IKZF2: variants seen among roughly 807,000 people sequenced by gnomAD.
IKZF2 encodes the protein IKAROS family zinc finger 2, also known as zinc finger protein Helios.
IKZF2 carries 15 observed loss-of-function variants against 49.2 expected under a neutral mutation model. That is an observed-to-expected ratio of 0.30 (90% confidence interval 0.20 to 0.47). The LOEUF is 0.47. IKZF2 is among the 20% of genes least tolerant of loss of function. The pLI is 1.00. For synonymous variants in IKZF2, 227 were observed against 221.4 expected (o/e 1.03, Z -0.23); for missense variants, 567 against 664.6 (o/e 0.85, Z 1.61).
intron 4 of IKZF2, among the ~76,000 whole-genome samples, chr2:213,111,641 A>T (rs952339015): frequency 6.6e-5 from 10 of 152,084 alleles, no homozygotes; most frequent in Admixed American, 6.6e-4. Context: ...AAATCTACCT[A>T]GTTTCTGAAA....
intron 4 of IKZF2, among the ~76,000 whole-genome samples, chr2:213,125,474 T>G (rs2060227288): frequency 6.6e-6 from 1 of 152,184 alleles, no homozygotes; most frequent in South Asian, 2.1e-4. Context: ...CCCATTCAGA[T>G]GAACCAAAAT....
intron 4 of IKZF2, among the ~76,000 whole-genome samples, chr2:213,092,314 C>G (rs1172765630): frequency 6.6e-6 from 1 of 152,190 alleles, no homozygotes; most frequent in Non-Finnish European, 1.5e-5. Context: ...CAGTGTGAGC[C>G]ACTGTGCCTG....
chr2:213,023,276 A>G (rs768540142), intron 6 of IKZF2, among the ~76,000 whole-genome samples: 7 of 152,224 alleles, frequency 4.6e-5, no homozygotes, highest in South Asian at 2.1e-4. Context: ...CTGAAATACT[A>G]TAACAAGGCA....
At chr2:213,036,565 A>G (rs139175284) in intron 6 of IKZF2, among the ~76,000 whole-genome samples, 215 of 152,310 alleles carry the variant, frequency 1.4e-3, no homozygotes, top group African/African-American at 5.0e-3. Context: ...AATATGGTAT[A>G]TAAGGGATGA....
chr2:213,046,366 T>A (rs914902037), intron 6 of IKZF2, among the ~76,000 whole-genome samples: 1 of 152,192 alleles, frequency 6.6e-6, no homozygotes, highest in Non-Finnish European at 1.5e-5. Flanking sequence ...TGCTTCTCAA[T>A]CTTTTTGCTT....
intron 4 of IKZF2, among the ~76,000 whole-genome samples, chr2:213,145,358 C>T (rs2061016515): frequency 1.3e-5 from 2 of 151,720 alleles, no homozygotes; most frequent in South Asian, 4.1e-4. Flanking sequence ...AAGCAGGCAC[C>T]CTCCAGGAAG....
At chr2:213,126,920 A>G (rs1000814379) in intron 4 of IKZF2, among the ~76,000 whole-genome samples, 5 of 152,122 alleles carry the variant, frequency 3.3e-5, no homozygotes, top group Non-Finnish European at 7.4e-5. Flanking sequence ...ACACCAAAAA[A>G]CCATCAATCT....
intron 1 of IKZF2, among the ~76,000 whole-genome samples, chr2:213,150,992 T>C (rs2061266010): frequency 6.6e-6 from 1 of 151,744 alleles, no homozygotes; most frequent in African/African-American, 2.4e-5. Flanking sequence ...CAATCTTTCT[T>C]CTTGGAATTC....
intron 4 of IKZF2, chr2:213,147,292 GTAATTTTATCA>G: frequency 6.1e-6 from 2 of 325,886 alleles, no homozygotes; most frequent in Non-Finnish European, 1.1e-5. Context: ...AAGTAACACT[GTAATTTTATCA>G]CTGACGGTTT....
At chr2:213,124,861 C>T (rs2060208264) in intron 4 of IKZF2, among the ~76,000 whole-genome samples, 1 of 152,224 alleles carries the variant, frequency 6.6e-6, no homozygotes, top group Non-Finnish European at 1.5e-5. Flanking sequence ...TTATTCCTTA[C>T]ATCCTGCACA....
chr2:213,022,911 C>T (rs1697379308), intron 6 of IKZF2, among the ~76,000 whole-genome samples: 1 of 152,048 alleles, frequency 6.6e-6, no homozygotes, highest in South Asian at 2.1e-4. Flanking sequence ...CTCAATACAT[C>T]TGTTAAAATA....
At chr2:213,108,321 T>C (rs1211412580) in intron 4 of IKZF2, among the ~76,000 whole-genome samples, 5 of 152,132 alleles carry the variant, frequency 3.3e-5, no homozygotes, top group African/African-American at 1.2e-4. Context: ...TTACATAATA[T>C]AAAATATTAT....
intron 4 of IKZF2, among the ~76,000 whole-genome samples, chr2:213,137,076 A>G (rs1389650753): frequency 6.6e-6 from 1 of 152,150 alleles, no homozygotes; most frequent in Non-Finnish European, 1.5e-5. Context: ...TGTAAAAAAT[A>G]ATTTATTTTA....
intron 7 of IKZF2, among the ~76,000 whole-genome samples, chr2:213,016,639 TC>T (rs1559166103): frequency 6.6e-6 from 1 of 152,156 alleles, no homozygotes; most frequent in Non-Finnish European, 1.5e-5. Context: ...TAAGGTAACT[TC>T]CCCTGTTTGA....
At chr2:213,079,601 T>C (rs112108569) in intron 4 of IKZF2, among the ~76,000 whole-genome samples, 25 of 149,884 alleles carry the variant, frequency 1.7e-4, no homozygotes, top group Non-Finnish European at 2.8e-4. Context: ...TCTCCATCTA[T>C]AAACCATCTC....
At chr2:213,093,035 A>G (rs1705533692) in intron 4 of IKZF2, among the ~76,000 whole-genome samples, 1 of 152,164 alleles carries the variant, frequency 6.6e-6, no homozygotes, top group South Asian at 2.1e-4. Context: ...CTCTATGACA[A>G]TGATTGTGTA....
At chr2:213,041,119 GAA>G (rs796902329) in intron 6 of IKZF2, among the ~76,000 whole-genome samples, 1 of 137,540 alleles carries the variant, frequency 7.3e-6, no homozygotes, top group Non-Finnish European at 1.6e-5. Flanking sequence ...CCCTGTCTCA[GAA>G]AAAAAAAAAA....
chr2:213,093,178 G>T (rs921921036), intron 4 of IKZF2, among the ~76,000 whole-genome samples: 1 of 152,112 alleles, frequency 6.6e-6, no homozygotes, highest in Non-Finnish European at 1.5e-5. Context: ...CCAAGTCAGT[G>T]TTCAACACTA....
At chr2:213,072,078 C>G (rs549057381) in intron 4 of IKZF2, among the ~76,000 whole-genome samples, 1 of 152,128 alleles carries the variant, frequency 6.6e-6, no homozygotes, top group South Asian at 2.1e-4. Context: ...TAGTTGCAAG[C>G]TTTCACTATG....
Sources: allele counts gnomAD v4.1 joint callset (sites outside exome capture counted in the v4.1 genomes callset), GRCh38; gene constraint gnomAD v4.1.1; transcripts MANE v1.5; gene names NCBI Gene and HGNC (gene_info 2026-07-23, HGNC 2026-07-21).